The following ITGA3 variants were observed in gnomAD, a reference collection of about 807,000 sequenced individuals.
The protein encoded by ITGA3 is integrin subunit alpha 3, also known as integrin alpha-3.
ITGA3 carries 70 observed loss-of-function variants against 131.1 expected under a neutral mutation model. The observed-to-expected ratio is 0.53, with a 90% CI of 0.44 to 0.65. ITGA3 has a LOEUF of 0.65. Ranked by LOEUF, ITGA3 falls within the 30% of genes least tolerant of loss-of-function variation. The pLI is 0.00. For missense variants in ITGA3, 1,098 were observed against 1,388.6 expected (o/e 0.79, Z 3.33); for synonymous variants, 537 against 571.6 (o/e 0.94, Z 0.86).
In ITGA3 at chr17:50,087,789, G is replaced by A. The variant is rs199819726; in HGVS notation, c.2965G>A (p.Glu989Lys). 1.5e-5 allele frequency: 25 copies of A among 1,613,260 alleles called. No homozygotes were observed. The African/African-American group carries it at 2.1e-4, about 14-fold the overall frequency. The change falls in exon 24 of 26, where the codon GAA becomes AAA. Residue 989 changes from glutamate (E) to lysine (K), a missense_variant. Around this residue, in one of 3 missense-constraint regions of ITGA3, gnomAD observed 699 missense variants for 829.2 expected, o/e 0.84. Transcript: ENST00000320031. The stretch of plus-strand genomic sequence containing the variant: ...GGAGCTGGTGGAGGAGCTGCCGGCC[G>A]AAATCGAGCTGTGGCTGGTGCTGGT... ...DSELVEELPAEIELWLVLVAV... is the reference protein window; with the variant it reads ...DSELVEELPAKIELWLVLVAV...
chr17:50,056,476 C>A lies in ITGA3; in HGVS notation c.37C>A (p.Arg13Ser), dbSNP rs1209895843. The stretch of plus-strand genomic sequence containing the variant: ...CCCCAGCCGCGCGCCCCGCGCCCCA[C>A]GCCTGATGCTCTGTGCGCTCGCCTT... ...PGPSRAPRAP[R>S]LMLCALALMV... The change falls in exon 1 of 26, where the codon CGC becomes AGC. Residue 13 changes from arginine (R) to serine (S), a missense_variant. By Grantham distance (110) the Arg-to-Ser change is moderately radical. Around this residue, in one of 3 missense-constraint regions of ITGA3, gnomAD observed 43 missense variants for 30.3 expected, o/e 1.42. Transcript: ENST00000320031. The surrounding 1 kb of genome is among the most constrained non-coding windows in gnomAD (Gnocchi z 5.6). 1.9e-6 allele frequency: 3 copies of A among 1,547,850 alleles called. No homozygotes were observed. The highest frequency in any genetic ancestry group is 2.6e-6 in the Non-Finnish European group (3 of 1,146,272).
intron 16 of ITGA3, among the ~76,000 whole-genome samples, chr17:50,077,826 G>A (rs1018205669): frequency 1.3e-5 from 2 of 152,168 alleles, no homozygotes; most frequent in Non-Finnish European, 2.9e-5. Context: ...ACCTGCTCAA[G>A]GTTATGTAGC....
chr17:50,068,811 CTT>C, intron 4 of ITGA3, among the ~76,000 whole-genome samples: 1 of 136,162 alleles, frequency 7.3e-6, no homozygotes, highest in East Asian at 2.2e-4. Flanking sequence ...CTCAATCAGT[CTT>C]TTTTATTTAT....
chr17:50,064,224 G>A lies in ITGA3; in HGVS notation c.334+20G>A. 4 of 1,596,680 alleles carry A rather than the reference G, an allele frequency of 2.5e-6. No homozygotes were observed. The highest frequency in any genetic ancestry group is 3.4e-6 in the Non-Finnish European group (4 of 1,172,786). The stretch of plus-strand genomic sequence containing the variant: ...TGAAAAGTGAGGGGAAGGGGCTGGG[G>A]AGGGGTGCTGGGTCAGAGGTCTGGC... On this transcript the variant is annotated intron_variant, in intron 2 of 25. Coordinates refer to ENST00000320031, the MANE Select transcript of ITGA3 (RefSeq NM_002204.4). The surrounding 1 kb of genome is among the most constrained non-coding windows in gnomAD (Gnocchi z 4.4).
At chr17:50,076,186 C>T (rs2144293719) in intron 12 of ITGA3, 140 bp from the exon 13 acceptor site, 1 of 911,566 alleles carries the variant, frequency 1.1e-6, no homozygotes, top group East Asian at 2.6e-5. Context: ...GGCGACCGGA[C>T]TGGAGGGAGT....
chr17:50,066,746 G>A (rs909192439), intron 3 of ITGA3, among the ~76,000 whole-genome samples: 1 of 152,160 alleles, frequency 6.6e-6, no homozygotes, highest in Non-Finnish European at 1.5e-5. Context: ...CTGCACTCCA[G>A]CCTGGGTGAC....
In ITGA3 at chr17:50,064,556, C is replaced by T. The variant is rs1908241215; in HGVS notation, c.363C>T (p.Asp121=). The T allele has an allele frequency of 6.2e-7, 1 of 1,613,050 alleles. No homozygotes were observed. Among genetic ancestry groups the T allele is most frequent in the Admixed American group, 1.7e-5 (1 of 59,914 alleles). The change falls in exon 3 of 26, where the codon GAC becomes GAT. Residue 121 remains aspartate (D), a synonymous_variant. Transcript: ENST00000320031. This position sits in a 1 kb window ranked among gnomAD's most constrained non-coding sequence, Gnocchi z 4.4. ...ACCCTGGCCATCACATTATTGAGGA[C>T]ATGTGGCTTGGAGTGACTGTGGCCA... is the stretch of plus-strand genomic sequence containing the variant. ...KNDPGHHIIE[D]MWLGVTVASQ...
intron 10 of ITGA3, among the ~76,000 whole-genome samples, chr17:50,075,019 T>G (rs1459898650): frequency 2.0e-5 from 3 of 152,200 alleles, no homozygotes; most frequent in Non-Finnish European, 2.9e-5. Flanking sequence ...TCAAAAAATG[T>G]TAGTTGCTAA....
chr17:50,079,560 G>A lies in ITGA3; in HGVS notation c.2706+3G>A, dbSNP rs950846667. 3 of 1,523,070 alleles carry A rather than the reference G, an allele frequency of 2.0e-6. No homozygotes were observed. The highest frequency in any genetic ancestry group is 1.4e-5 in the African/African-American group (1 of 72,048). The allele number at this position is 1,523,070 out of a possible 1,614,324, so 94.3% of individuals were successfully genotyped here. ...AAGCCAAGTCTGAGACTGTGCTGGTGAGTGGCCAGGGCGAGGTTGGAGGGG... is the reference window on the plus strand; with the variant it reads ...AAGCCAAGTCTGAGACTGTGCTGGTAAGTGGCCAGGGCGAGGTTGGAGGGG... On this transcript the variant is annotated splice_donor_region_variant and intron_variant, in intron 21 of 25. Transcript: ENST00000320031.
At chr17:50,088,401 C>A in intron 25 of ITGA3, 35 bp downstream of exon 25, 1 of 1,188,706 alleles carries the variant, frequency 8.4e-7, no homozygotes, top group South Asian at 1.3e-5. Context: ...CCCCGAGCCC[C>A]ACAGCTGGCC....
intron 17 of ITGA3, 34 bp from the exon 18 acceptor site, chr17:50,078,173 G>T: frequency 6.2e-7 from 1 of 1,613,188 alleles, no homozygotes; most frequent in Non-Finnish European, 8.5e-7. Flanking sequence ...AGGTATCTTG[G>T]ATCACCTTCC....
At chr17:50,069,787 A>G (rs1908538064) in intron 4 of ITGA3, among the ~76,000 whole-genome samples, 1 of 152,200 alleles carries the variant, frequency 6.6e-6, no homozygotes, top group African/African-American at 2.4e-5. Flanking sequence ...CTTGTAAAAG[A>G]CCATGCTTGT....
At chr17:50,067,298 C>A (rs1163496588) in intron 3 of ITGA3, among the ~76,000 whole-genome samples, 1 of 152,216 alleles carries the variant, frequency 6.6e-6, no homozygotes, top group Non-Finnish European at 1.5e-5. Context: ...TGTTTTAAGT[C>A]ACCCTATTCT....
intron 1 of ITGA3, among the ~76,000 whole-genome samples, chr17:50,061,575 C>T (rs1423633083): frequency 1.3e-5 from 2 of 152,176 alleles, no homozygotes; most frequent in African/African-American, 4.8e-5. Context: ...AGATCTGAGC[C>T]CCCGCTGTAG....
chr17:50,076,875 G>C, intron 14 of ITGA3, 99 bp from the exon 15 acceptor site: 3 of 1,404,978 alleles, frequency 2.1e-6, no homozygotes, highest in Non-Finnish European at 2.9e-6. Flanking sequence ...TCCCAAGATG[G>C]GCTTTTCTCA....
chr17:50,066,289 C>T (rs984695183), intron 3 of ITGA3, among the ~76,000 whole-genome samples: 3 of 149,414 alleles, frequency 2.0e-5, no homozygotes, highest in African/African-American at 7.4e-5. Flanking sequence ...CGTGAGCCAC[C>T]GTATGTGGCC....
At chr17:50,066,104 C>G (rs901825503) in intron 3 of ITGA3, 1 of 150,958 alleles carries the variant, frequency 6.6e-6, no homozygotes, top group African/African-American at 2.4e-5. Flanking sequence ...TCTCAGCTCA[C>G]TGCAGCCTTG....
intron 19 of ITGA3, 68 bp from the exon 20 acceptor site, chr17:50,079,008 G>T: frequency 6.5e-7 from 1 of 1,531,894 alleles, no homozygotes; most frequent in Non-Finnish European, 9.0e-7. Flanking sequence ...AGGTGGGAGG[G>T]TTGGGGGTTG....
Position 50,064,800 on chromosome 17 carries a change from C to A in ITGA3, c.414+193C>A, listed in dbSNP as rs1908254893. 1.8e-6 allele frequency: 1 copy of A among 544,782 alleles called. No homozygotes were observed. Among genetic ancestry groups the A allele is most frequent in the Admixed American group, 3.5e-5 (1 of 28,872 alleles). The allele number at this position is 544,782 out of a possible 1,614,324, so 33.7% of individuals were successfully genotyped here. A position where few individuals can be genotyped will look rare whatever the true frequency, so the allele number is the denominator to read the frequency against. ...GGGGAGGGGGTGAGTATCCTGTGCTCTCCCAAACCCCCGCACGGCCTGAGT... is the reference window on the plus strand; with the variant it reads ...GGGGAGGGGGTGAGTATCCTGTGCTATCCCAAACCCCCGCACGGCCTGAGT... On this transcript the variant is annotated intron_variant, in intron 3 of 25. Coordinates refer to ENST00000320031, the MANE Select transcript of ITGA3 (RefSeq NM_002204.4). This position sits in a 1 kb window ranked among gnomAD's most constrained non-coding sequence, Gnocchi z 4.4.
Sources: gnomAD v4.1 joint callset for allele counts (sites outside exome capture counted in the v4.1 genomes callset) on GRCh38, gnomAD v4.1.1 for gene constraint, gnomAD v4.1.1 regional missense constraint, Gnocchi (gnomAD v3.1) non-coding constraint, MANE v1.5 for transcripts, NCBI Gene and HGNC (gene_info 2026-07-23, HGNC 2026-07-21) for gene names.